GALNT14: variants seen among roughly 807,000 people sequenced by gnomAD.
The protein encoded by GALNT14 is UDP-GalNAc:polypeptide N-acetylgalactosaminyltransferase 14.
Under a neutral mutation model 77.5 loss-of-function variants are expected in GALNT14, and 60 were observed. The observed-to-expected ratio is 0.77, with a 90% CI of 0.63 to 0.96. The LOEUF is 0.96. GALNT14 is among the 40% of genes least tolerant of loss of function. GALNT14 has a pLI of 0.00. For synonymous variants in GALNT14, 280 were observed against 281.7 expected (o/e 0.99, Z 0.06); for missense variants, 710 against 731.0 (o/e 0.97, Z 0.33).
At chr2:31,074,063 A>G (rs987540802) in intron 1 of GALNT14, among the ~76,000 whole-genome samples, 4 of 152,214 alleles carry the variant, frequency 2.6e-5, no homozygotes, top group South Asian at 2.1e-4. Context: ...TTGAGGAGTT[A>G]GAAGAGGTAA....
chr2:31,041,733 G>C (rs1173180253), intron 1 of GALNT14, among the ~76,000 whole-genome samples: 1 of 152,080 alleles, frequency 6.6e-6, no homozygotes, highest in African/African-American at 2.4e-5. Context: ...GCTGAATGTG[G>C]GAATATGCAT....
intron 1 of GALNT14, among the ~76,000 whole-genome samples, chr2:31,084,783 G>A (rs1289061728): frequency 1.3e-5 from 2 of 152,160 alleles, no homozygotes; most frequent in African/African-American, 4.8e-5. Context: ...CCAGCACTTT[G>A]GGAGGCCAAG....
At chr2:30,939,081 A>T (rs1428927239) in intron 9 of GALNT14, among the ~76,000 whole-genome samples, 1 of 152,186 alleles carries the variant, frequency 6.6e-6, no homozygotes, top group African/African-American at 2.4e-5. Flanking sequence ...ACATTTAGTG[A>T]GTAGTTTCTA....
intron 1 of GALNT14, among the ~76,000 whole-genome samples, chr2:31,054,676 CA>C: frequency 6.6e-6 from 1 of 152,278 alleles, no homozygotes; most frequent in East Asian, 1.9e-4. Flanking sequence ...CAATATATTC[CA>C]AAGCCTAACA....
intron 1 of GALNT14, among the ~76,000 whole-genome samples, chr2:31,026,280 C>T (rs550501872): frequency 6.6e-6 from 1 of 152,296 alleles, no homozygotes; most frequent in African/African-American, 2.4e-5. Flanking sequence ...TCTCTGAGGC[C>T]TTGTAGAAGC....
At chr2:31,024,639 T>C (rs1464541493) in intron 1 of GALNT14, among the ~76,000 whole-genome samples, 2 of 152,214 alleles carry the variant, frequency 1.3e-5, no homozygotes, top group East Asian at 3.8e-4. Flanking sequence ...ATAGCATTTG[T>C]CACCACCAGA....
At chr2:31,037,882 C>A (rs779956279) in intron 1 of GALNT14, among the ~76,000 whole-genome samples, 5 of 151,606 alleles carry the variant, frequency 3.3e-5, no homozygotes, top group Non-Finnish European at 7.4e-5. Flanking sequence ...ATTTGCATAG[C>A]CTCAAAATCA....
chr2:30,901,329 G>A, the GALNT14 span, among the ~76,000 whole-genome samples: 1 of 151,948 alleles, frequency 6.6e-6, no homozygotes, highest in Non-Finnish European at 1.5e-5. Flanking sequence ...CACCCATATT[G>A]AGCTCAGTTT....
intron 9 of GALNT14, among the ~76,000 whole-genome samples, chr2:30,939,655 G>A (rs1666261310): frequency 6.6e-6 from 1 of 152,174 alleles, no homozygotes; most frequent in Non-Finnish European, 1.5e-5. Flanking sequence ...AATAGAGATG[G>A]AGGACCACTG....
At chr2:31,113,527 AC>A (rs1677943517) in intron 1 of GALNT14, among the ~76,000 whole-genome samples, 1 of 152,158 alleles carries the variant, frequency 6.6e-6, no homozygotes, top group African/African-American at 2.4e-5. Context: ...GGGAAGCTGA[AC>A]AGGCCTACTG....
chr2:31,087,803 TCCGTATTTTGAAA>T (rs1676523693), intron 1 of GALNT14, among the ~76,000 whole-genome samples: 1 of 152,172 alleles, frequency 6.6e-6, no homozygotes, highest in South Asian at 2.1e-4. Context: ...CCCCTCCAAA[TCCGTATTTTGAAA>T]CCTAAACCCC....
the GALNT14 span, among the ~76,000 whole-genome samples, chr2:30,896,587 C>G: frequency 2.6e-5 from 4 of 152,146 alleles, no homozygotes; most frequent in Non-Finnish European, 2.9e-5. Context: ...ACTCTAAGAA[C>G]AATGCTGGGG....
chr2:31,093,009 G>C (rs1023006515), intron 1 of GALNT14, among the ~76,000 whole-genome samples: 1 of 152,220 alleles, frequency 6.6e-6, no homozygotes, highest in African/African-American at 2.4e-5. Context: ...TTCTAACACA[G>C]TTTACTGAAC....
At chr2:31,116,173 T>C (rs763710765) in intron 1 of GALNT14, among the ~76,000 whole-genome samples, 4 of 152,184 alleles carry the variant, frequency 2.6e-5, no homozygotes, top group Admixed American at 6.5e-5. Context: ...ATAGATGGTA[T>C]AGTAAGATGT....
intron 1 of GALNT14, among the ~76,000 whole-genome samples, chr2:31,060,090 T>C (rs1369850716): frequency 6.6e-6 from 1 of 152,168 alleles, no homozygotes; most frequent in Non-Finnish European, 1.5e-5. Context: ...GGAAGAAAGA[T>C]GTTATTAGCT....
At chr2:31,076,284 G>A (rs902251710) in intron 1 of GALNT14, among the ~76,000 whole-genome samples, 1 of 152,118 alleles carries the variant, frequency 6.6e-6, no homozygotes, top group Non-Finnish European at 1.5e-5. Context: ...CATATTCTCT[G>A]TACGAAGAAA....
At chr2:30,907,797 T>C (rs1220893793), downstream of GALNT14, among the ~76,000 whole-genome samples, 1 of 148,552 alleles carries the variant, frequency 6.7e-6, no homozygotes, top group Admixed American at 6.8e-5. Context: ...TGAACATTGA[T>C]GCAAAAATCC....
Position 31,089,359 on chromosome 2 carries a change from AG to A in GALNT14, c.129+48598del, listed in dbSNP as rs1199081940. Among the ~76,000 whole-genome samples, 91 of 152,240 alleles carry A rather than the reference AG, an allele frequency of 6.0e-4. 1 individual carries two copies. The highest frequency in any genetic ancestry group is 2.2e-4 in the Non-Finnish European group (15 of 68,016). ...CAATGACATAGTGATGGTCATGCTGAGGAGGCTTAATAATTACTTGTTAACT... is the reference window on the plus strand; with the variant it reads ...CAATGACATAGTGATGGTCATGCTGAGAGGCTTAATAATTACTTGTTAACT... On this transcript the variant is annotated intron_variant, in intron 1 of 14. Transcript: ENST00000349752.
chr2:31,085,670 T>G (rs532255474), intron 1 of GALNT14, among the ~76,000 whole-genome samples: 1 of 152,220 alleles, frequency 6.6e-6, no homozygotes, highest in African/African-American at 2.4e-5. Context: ...AGTCTCTTCA[T>G]TTCCTTTTGC....
Sources: gnomAD v4.1 joint callset for allele counts (sites outside exome capture counted in the v4.1 genomes callset) on GRCh38, gnomAD v4.1.1 for gene constraint, MANE v1.5 for transcripts, NCBI Gene and HGNC (gene_info 2026-07-23, HGNC 2026-07-21) for gene names.